MCC: variants seen among roughly 807,000 people sequenced by gnomAD.
MCC encodes colorectal mutant cancer protein.
A neutral mutation model predicts 116.2 loss-of-function variants in MCC; 90 were observed. The observed-to-expected ratio is 0.77, with a 90% CI of 0.65 to 0.92. The LOEUF (loss-of-function observed/expected upper bound fraction) is 0.92, where lower values mean the gene tolerates loss of function less well. Among genes scored for constraint, MCC ranks in the 40% least tolerant of loss-of-function variants. MCC has a pLI of 0.00. For missense variants in MCC, 1,516 were observed against 1,312.2 expected (o/e 1.16, Z -2.40); for synonymous variants, 578 against 510.5 (o/e 1.13, Z -1.78).
At chr5:113,438,266 T>C (rs1186054681) in intron 1 of MCC, among the ~76,000 whole-genome samples, 1 of 152,142 alleles carries the variant, frequency 6.6e-6, no homozygotes, top group Non-Finnish European at 1.5e-5. Context: ...TTTTATTCTA[T>C]ATCTAAAGAC....
At position 113,188,234 on chromosome 5, in the gene MCC, C is replaced by A. The variant is rs1761996143; in HGVS notation, c.628-36812G>T. On this transcript the variant is annotated intron_variant, in intron 3 of 18. Coordinates refer to ENST00000408903, the MANE Select transcript of MCC (RefSeq NM_001085377.2). ...GATGCCCCATTGTCTATTACAAATT[C>A]ATCACAACCATGATTGGATACTGTC... 2.0e-5 allele frequency among the ~76,000 whole-genome samples: 3 copies of A among 152,316 alleles called. No individual in the cohort carries two copies. The South Asian group carries it at 6.2e-4, about 32-fold the overall frequency.
intron 3 of MCC, among the ~76,000 whole-genome samples, chr5:113,180,781 G>A (rs1761588322): frequency 6.6e-6 from 1 of 152,112 alleles, no homozygotes; most frequent in African/African-American, 2.4e-5. Context: ...CTGGATGTGG[G>A]ATTTAAGGTA....
At chr5:113,102,420 G>C (rs1439502527) in intron 7 of MCC, among the ~76,000 whole-genome samples, 1 of 152,186 alleles carries the variant, frequency 6.6e-6, no homozygotes, top group African/African-American at 2.4e-5. Flanking sequence ...CGATAAGATA[G>C]GTCACATTAC....
Position 113,353,452 on chromosome 5 carries a change from G to A in MCC, c.416-12722C>T, listed in dbSNP as rs574968440. The stretch of plus-strand genomic sequence containing the variant: ...TTTATTTGTTTATGAAAAAAATAAA[G>A]ATTATACATTTAAACCTCTCTCTTT... On this transcript the variant is annotated intron_variant, in intron 2 of 18. Coordinates refer to ENST00000408903, the MANE Select transcript of MCC (RefSeq NM_001085377.2). Among the ~76,000 whole-genome samples the A allele has an allele frequency of 2.6e-5, 4 of 152,262 alleles. No homozygotes were observed. The East Asian group carries it at 5.8e-4, about 22-fold the overall frequency.
At chr5:113,181,812 C>T (rs768123429) in intron 3 of MCC, among the ~76,000 whole-genome samples, 2 of 152,224 alleles carry the variant, frequency 1.3e-5, no homozygotes, top group Non-Finnish European at 2.9e-5. Flanking sequence ...AACAAGCTCT[C>T]AGACACTGTG....
At chr5:113,412,803 A>G (rs1004783538) in intron 1 of MCC, among the ~76,000 whole-genome samples, 2 of 152,190 alleles carry the variant, frequency 1.3e-5, no homozygotes, top group African/African-American at 4.8e-5. Flanking sequence ...AATTTCAAAC[A>G]CTATGTTGAA....
chr5:113,226,101 G>C (rs367599656), intron 3 of MCC, among the ~76,000 whole-genome samples: 2 of 152,224 alleles, frequency 1.3e-5, no homozygotes, highest in Non-Finnish European at 2.9e-5. Context: ...GCTTGAACCC[G>C]CAAGGCGAAG....
At chr5:113,062,718 G>A (rs1308704460) in intron 14 of MCC, among the ~76,000 whole-genome samples, 1 of 152,220 alleles carries the variant, frequency 6.6e-6, no homozygotes, top group East Asian at 1.9e-4. Context: ...GACAATTGTT[G>A]CTGAAGTAAA....
In MCC at chr5:113,327,561, A is replaced by AAAAAAAAT. The variant is rs1480996383; in HGVS notation, c.627+12957_627+12958insATTTTTTT. Among the ~76,000 whole-genome samples, 383 of 80,422 alleles carry AAAAAAAAT rather than the reference A, an allele frequency of 4.8e-3. 3 individuals carry two copies. The highest frequency in any genetic ancestry group is 7.8e-3 in the Non-Finnish European group (314 of 40,308). 52.8% of individuals were successfully genotyped at this position (80,422 alleles called of 152,430 possible). On this transcript the variant is annotated intron_variant, in intron 3 of 18. Transcript: ENST00000408903. Reference sequence around the variant, plus strand: ...ACTCAGTCTCAAAAAAAAAAAAAAAAATATATATATATATATATATATATA... The same window carrying AAAAAAAAT: ...ACTCAGTCTCAAAAAAAAAAAAAAAAAAAAAAATATATATATATATATATATATATATA...
chr5:113,262,802 G>A (rs969740672), intron 3 of MCC, among the ~76,000 whole-genome samples: 2 of 152,098 alleles, frequency 1.3e-5, no homozygotes, highest in Admixed American at 1.3e-4. Flanking sequence ...AGGAGATCTA[G>A]AAATGGGCTT....
chr5:113,097,143 A>G (rs967193725), intron 8 of MCC, among the ~76,000 whole-genome samples: 2 of 152,176 alleles, frequency 1.3e-5, no homozygotes, highest in South Asian at 2.1e-4. Flanking sequence ...CTCAGCTTAT[A>G]TGTGAATATC....
intron 3 of MCC, among the ~76,000 whole-genome samples, chr5:113,296,545 T>C (rs2150363357): frequency 6.6e-6 from 1 of 152,208 alleles, no homozygotes; most frequent in East Asian, 1.9e-4. Flanking sequence ...TCCAGGCCAC[T>C]GTGAGAGAAA....
chr5:113,103,024 G>A (rs906330033), intron 7 of MCC, among the ~76,000 whole-genome samples: 24 of 152,200 alleles, frequency 1.6e-4, no homozygotes, highest in African/African-American at 5.5e-4. Flanking sequence ...TGAGGCAGGA[G>A]AATCGCTTGA....
At chr5:113,136,327 C>A (rs900154670) in intron 5 of MCC, among the ~76,000 whole-genome samples, 1 of 152,072 alleles carries the variant, frequency 6.6e-6, no homozygotes, top group Admixed American at 6.5e-5. Flanking sequence ...GTGATGTAAA[C>A]AGAGATCTGA....
At chr5:113,292,170 T>G (rs1766523175) in intron 3 of MCC, among the ~76,000 whole-genome samples, 1 of 152,098 alleles carries the variant, frequency 6.6e-6, no homozygotes, top group Non-Finnish European at 1.5e-5. Flanking sequence ...AGGCAGAGGT[T>G]GCAGTGAGCC....
At chr5:113,373,884 A>C (rs1008297703) in intron 2 of MCC, among the ~76,000 whole-genome samples, 6 of 151,044 alleles carry the variant, frequency 4.0e-5, no homozygotes, top group African/African-American at 1.5e-4. Context: ...TGCTAAGTTG[A>C]GAAGCTGAGG....
intron 3 of MCC, among the ~76,000 whole-genome samples, chr5:113,198,012 G>C (rs1043758897): frequency 6.6e-6 from 1 of 152,240 alleles, no homozygotes; most frequent in African/African-American, 2.4e-5. Context: ...AGATTAGAAA[G>C]GGGGTAAGAA....
At chr5:113,353,904 C>A (rs535046689) in intron 2 of MCC, among the ~76,000 whole-genome samples, 27 of 152,312 alleles carry the variant, frequency 1.8e-4, no homozygotes, top group African/African-American at 6.5e-4. Context: ...GGTATGAAGA[C>A]AACTGACAAA....
chr5:113,343,727 T>C (rs577639545), intron 2 of MCC, among the ~76,000 whole-genome samples: 1 of 152,372 alleles, frequency 6.6e-6, no homozygotes, highest in East Asian at 1.9e-4. Flanking sequence ...TCCATGGTTG[T>C]AGTACCCTAC....
Sources: gnomAD v4.1 joint callset for allele counts (sites outside exome capture counted in the v4.1 genomes callset) on GRCh38, gnomAD v4.1.1 for gene constraint, MANE v1.5 for transcripts, NCBI Gene and HGNC (gene_info 2026-07-23, HGNC 2026-07-21) for gene names.